The following ANO3 variants were observed in gnomAD, a reference collection of about 807,000 sequenced individuals.
The protein encoded by ANO3 is anoctamin-3.
ANO3 carries 99 observed loss-of-function variants against 144.8 expected under a neutral mutation model. The observed-to-expected ratio is 0.68, with a 90% confidence interval of 0.58 to 0.81. The LOEUF is 0.81. Ranked by LOEUF, ANO3 falls within the 30% of genes least tolerant of loss-of-function variation. The pLI, the probability that ANO3 is intolerant of heterozygous loss-of-function variation, is 0.00. For synonymous variants in ANO3, 414 were observed against 392.6 expected, an observed-to-expected ratio of 1.05 and a Z score of -0.64; for missense variants, 905 against 1,202.2, an observed-to-expected ratio of 0.75 and a Z score of 3.66.
At chr11:26,262,123 C>T (rs1311611835) in intron 1 of ANO3, among the ~76,000 whole-genome samples, 1 of 152,158 alleles carries the variant, frequency 6.6e-6, no homozygotes, top group Non-Finnish European at 1.5e-5. Context: ...GAAAATTTAG[C>T]CCACAAGACC....
chr11:26,461,376 CCTCA>C (rs2134055029), intron 3 of ANO3, among the ~76,000 whole-genome samples: 1 of 152,124 alleles, frequency 6.6e-6, no homozygotes, highest in East Asian at 1.9e-4. Context: ...TGTCTAACTG[CCTCA>C]CTCTTTATAT....
At chr11:26,538,964 G>A (rs1438739503) in intron 10 of ANO3, among the ~76,000 whole-genome samples, 1 of 152,030 alleles carries the variant, frequency 6.6e-6, no homozygotes, top group Non-Finnish European at 1.5e-5. Flanking sequence ...CACAATTCTA[G>A]GCTTCCTTTT....
At chr11:26,646,709 G>C (rs1484686290) in intron 23 of ANO3, among the ~76,000 whole-genome samples, 1 of 151,706 alleles carries the variant, frequency 6.6e-6, no homozygotes, top group Non-Finnish European at 1.5e-5. Context: ...TTTTCTCTAG[G>C]TTTATCTTAT....
intron 3 of ANO3, among the ~76,000 whole-genome samples, chr11:26,449,499 ACACACACACACACACACACACG>A (rs1565031301): frequency 3.7e-5 from 1 of 27,142 alleles, no homozygotes; most frequent in African/African-American, 7.5e-5. Flanking sequence ...ACACACACAC[ACACACACACACACACACACACG>A]CACGCACATC....
At chr11:26,567,064 A>G (rs1187750022) in intron 14 of ANO3, 1 of 1,510,230 alleles carries the variant, frequency 6.6e-7, no homozygotes, top group Admixed American at 2.1e-5. Flanking sequence ...CAATCCCTTG[A>G]TGTGGCAAGA....
chr11:26,574,271 C>G (rs764112692), intron 14 of ANO3, among the ~76,000 whole-genome samples: 1 of 152,184 alleles, frequency 6.6e-6, no homozygotes, highest in African/African-American at 2.4e-5. Context: ...TTCCAGAACA[C>G]GAAGACACAT....
chr11:26,269,663 T>C lies in ANO3; in HGVS notation c.155-39982T>C, dbSNP rs139003793. On this transcript the variant is annotated intron_variant, in intron 1 of 27. Transcript: ENST00000672621. ...CTCAGTGCTCTGGCTCTCTCAGTCA[T>C]CATCCGGTGCTGCACTGCAGCACAC... Among the ~76,000 whole-genome samples, 742 of 151,984 alleles carry C rather than the reference T, an allele frequency of 4.9e-3. 1 individual carries two copies. The highest frequency in any genetic ancestry group is 6.5e-3 in the Non-Finnish European group (443 of 68,026).
At chr11:26,433,992 T>A (rs1346083317) in intron 1 of ANO3, among the ~76,000 whole-genome samples, 1 of 152,220 alleles carries the variant, frequency 6.6e-6, no homozygotes, top group African/African-American at 2.4e-5. Flanking sequence ...TCTTTATCCA[T>A]CTGGTACAAT....
At chr11:26,457,311 A>G (rs181094900) in intron 3 of ANO3, among the ~76,000 whole-genome samples, 363 of 137,958 alleles carry the variant, frequency 2.6e-3, no homozygotes, top group African/African-American at 9.1e-3. Flanking sequence ...AAGAAAGAAA[A>G]CAAATAAAAA....
chr11:26,624,473 A>G lies in ANO3; in HGVS notation c.1848A>G (p.Lys616=). The G allele has an allele frequency of 1.2e-6, 2 of 1,606,604 alleles. No homozygotes were observed. Among genetic ancestry groups the G allele is most frequent in the Non-Finnish European group, 1.7e-6 (2 of 1,174,156 alleles). The part of the protein sequence containing the change: ...IIMLLNLAYE[K]IAYLLTNLEY... ...CTCTTTTATTACAGGCTTATGAAAA[A>G]ATTGCTTACCTCCTCACCAATTTAG... is the stretch of plus-strand genomic sequence containing the variant. The change falls in exon 18 of 27, where the codon AAA becomes AAG. Residue 616 remains lysine (K), a synonymous_variant. Transcript: ENST00000256737.
At chr11:26,456,002 G>A (rs890812352) in intron 3 of ANO3, among the ~76,000 whole-genome samples, 20 of 151,316 alleles carry the variant, frequency 1.3e-4, no homozygotes, top group African/African-American at 4.1e-4. Context: ...AAATGGTGCT[G>A]GGAAAACTGG....
chr11:26,589,458 A>G (rs1851382083), intron 14 of ANO3, among the ~76,000 whole-genome samples: 1 of 150,828 alleles, frequency 6.6e-6, no homozygotes, highest in African/African-American at 2.4e-5. Flanking sequence ...TTGGAATATA[A>G]TTTGCACCCA....
chr11:26,463,501 C>G (rs1375745687), intron 4 of ANO3, among the ~76,000 whole-genome samples: 1 of 151,798 alleles, frequency 6.6e-6, no homozygotes, highest in Non-Finnish European at 1.5e-5. Flanking sequence ...TTCTACTACC[C>G]AGTTGTAATA....
At chr11:26,465,301 T>TAGATAGAC (rs1294389874) in intron 4 of ANO3, among the ~76,000 whole-genome samples, 2 of 151,558 alleles carry the variant, frequency 1.3e-5, no homozygotes. Flanking sequence ...GATAGATAGA[T>TAGATAGAC]AGATAGATAG....
intron 9 of ANO3, among the ~76,000 whole-genome samples, chr11:26,535,223 A>T (rs1045463817): frequency 6.6e-6 from 1 of 152,234 alleles, no homozygotes; most frequent in Non-Finnish European, 1.5e-5. Flanking sequence ...TACCTCTGGA[A>T]GGTGAAATAA....
At position 26,443,854 on chromosome 11, in the gene ANO3, A is replaced by G. The variant is rs754671509; in HGVS notation, c.313+18A>G. 1.3e-6 allele frequency: 2 copies of G among 1,555,720 alleles called. No individual in the cohort carries two copies. Among genetic ancestry groups the G allele is most frequent in the South Asian group, 1.1e-5 (1 of 88,282 alleles). On this transcript the variant is annotated intron_variant, in intron 3 of 26. Transcript: ENST00000256737. Reference sequence around the variant, plus strand: ...TTGTTTGGGTAAGTTGATAATCAGTATTTACCTACTCCTTTCCCTCTCTCC... The same window carrying G: ...TTGTTTGGGTAAGTTGATAATCAGTGTTTACCTACTCCTTTCCCTCTCTCC...
At chr11:26,295,990 A>G (rs1340168369) in intron 1 of ANO3, among the ~76,000 whole-genome samples, 1 of 152,212 alleles carries the variant, frequency 6.6e-6, no homozygotes, top group African/African-American at 2.4e-5. Context: ...ATGCTAACTG[A>G]AGAGGGGAAT....
At chr11:26,590,008 A>T (rs1297780130) in intron 14 of ANO3, among the ~76,000 whole-genome samples, 6 of 152,182 alleles carry the variant, frequency 3.9e-5, no homozygotes, top group Non-Finnish European at 7.3e-5. Flanking sequence ...ATCTATAGAG[A>T]GCTCGTGACA....
At chr11:26,474,949 T>C (rs1463274702) in intron 4 of ANO3, among the ~76,000 whole-genome samples, 1 of 151,970 alleles carries the variant, frequency 6.6e-6, no homozygotes, top group Non-Finnish European at 1.5e-5. Flanking sequence ...AAAGTTCACA[T>C]ATAAAATTTA....
Sources: allele counts gnomAD v4.1 joint callset (sites outside exome capture counted in the v4.1 genomes callset), GRCh38; gene constraint gnomAD v4.1.1; transcripts MANE v1.5; gene names NCBI Gene and HGNC (gene_info 2026-07-23, HGNC 2026-07-21).